CCDC146: variants seen among roughly 807,000 people sequenced by gnomAD.
CCDC146 encodes the protein coiled-coil domain containing 146, also known as coiled-coil domain-containing protein 146.
In CCDC146, 92 loss-of-function variants were observed where a neutral mutation model predicts 119.3. That is an observed-to-expected ratio of 0.77 (90% CI 0.65 to 0.92). The LOEUF (loss-of-function observed/expected upper bound fraction) is 0.92. Ranked by LOEUF, CCDC146 falls within the 40% of genes least tolerant of loss-of-function variation. CCDC146 has a pLI of 0.00. For missense variants in CCDC146, 1,000 were observed against 1,103.0 expected, an observed-to-expected ratio of 0.91 and a Z score of 1.32; for synonymous variants, 372 against 371.8, an observed-to-expected ratio of 1.00 and a Z score of -0.01.
intron 9 of CCDC146, among the ~76,000 whole-genome samples, chr7:77,271,521 TATATATATATATATATATATATA>T (rs1562856541): frequency 1.2e-3 from 23 of 18,716 alleles, no homozygotes; most frequent in East Asian, 3.8e-3. Context: ...GAGATATATA[TATATATATATATATATATATATA>T]TATATATATA....
At chr7:77,129,464 A>G (rs1174417509) in intron 1 of CCDC146, among the ~76,000 whole-genome samples, 1 of 152,074 alleles carries the variant, frequency 6.6e-6, no homozygotes, top group African/African-American at 2.4e-5. Flanking sequence ...GAAAAAAACT[A>G]TATGCTGAGA....
At chr7:77,270,377 T>C (rs753400653) in intron 9 of CCDC146, among the ~76,000 whole-genome samples, 1 of 151,910 alleles carries the variant, frequency 6.6e-6, no homozygotes, top group Non-Finnish European at 1.5e-5. Flanking sequence ...TCACAATAAA[T>C]ACATTTTTAA....
chr7:77,227,317 G>C (rs1483673370), intron 2 of CCDC146, among the ~76,000 whole-genome samples: 1 of 151,942 alleles, frequency 6.6e-6, no homozygotes, highest in Admixed American at 6.6e-5. Flanking sequence ...TTTTTTGTTT[G>C]TTTTCTGAGA....
intron 4 of CCDC146, among the ~76,000 whole-genome samples, chr7:77,250,236 G>A (rs1243798923): frequency 6.6e-6 from 1 of 152,136 alleles, no homozygotes; most frequent in Admixed American, 6.5e-5. Flanking sequence ...TCAAGAATAA[G>A]ACAAAAGCTT....
intron 1 of CCDC146, among the ~76,000 whole-genome samples, chr7:77,156,110 CTT>C (rs1791175833): frequency 6.6e-6 from 1 of 152,146 alleles, no homozygotes; most frequent in Non-Finnish European, 1.5e-5. Flanking sequence ...GTAATAGAGA[CTT>C]GGGTTCTCCA....
chr7:77,197,276 A>G (rs1562830006), intron 2 of CCDC146, among the ~76,000 whole-genome samples: 1 of 152,262 alleles, frequency 6.6e-6, no homozygotes, highest in Non-Finnish European at 1.5e-5. Context: ...ATTTAGTATT[A>G]TGTAGTGAGG....
At chr7:77,256,824 G>A (rs944497055) in intron 6 of CCDC146, among the ~76,000 whole-genome samples, 6 of 152,134 alleles carry the variant, frequency 3.9e-5, no homozygotes, top group African/African-American at 1.4e-4. Context: ...AACAACCATG[G>A]CCAGGCACAG....
chr7:77,147,903 T>C (rs1005914403), intron 1 of CCDC146, among the ~76,000 whole-genome samples: 11 of 152,296 alleles, frequency 7.2e-5, no homozygotes, highest in African/African-American at 2.4e-4. Flanking sequence ...GATCTCAAAC[T>C]CCATGCTGGG....
intron 2 of CCDC146, among the ~76,000 whole-genome samples, chr7:77,222,507 A>G (rs1792423837): frequency 6.6e-6 from 1 of 152,168 alleles, no homozygotes; most frequent in African/African-American, 2.4e-5. Context: ...AAGGGAGGTG[A>G]TCTCAGCACA....
At chr7:77,146,134 C>T (rs1304171924) in intron 1 of CCDC146, among the ~76,000 whole-genome samples, 1 of 151,920 alleles carries the variant, frequency 6.6e-6, no homozygotes, top group Admixed American at 6.6e-5. Context: ...TAAGTTAGCT[C>T]TTCTTGTTGA....
chr7:77,182,849 G>C (rs1189124524), intron 2 of CCDC146, among the ~76,000 whole-genome samples: 1 of 151,828 alleles, frequency 6.6e-6, no homozygotes, highest in Non-Finnish European at 1.5e-5. Context: ...CAAAGTGAAG[G>C]CTCCTTGTTC....
chr7:77,199,964 C>G, intron 2 of CCDC146: 1 of 635,872 alleles, frequency 1.6e-6, no homozygotes, highest in Non-Finnish European at 2.6e-6. Context: ...ACGCAGTTTG[C>G]CAAAAACTGT....
chr7:77,283,862 A>G (rs1181691922), intron 15 of CCDC146, among the ~76,000 whole-genome samples: 1 of 152,142 alleles, frequency 6.6e-6, no homozygotes, highest in Non-Finnish European at 1.5e-5. Flanking sequence ...TTCAGTTTGC[A>G]CAAATATGCC....
intron 2 of CCDC146, among the ~76,000 whole-genome samples, chr7:77,218,616 T>TC (rs1402893800): frequency 8.6e-6 from 1 of 116,720 alleles, no homozygotes; most frequent in African/African-American, 3.1e-5. Flanking sequence ...ACCAATTCTC[T>TC]TTTTTTTTTT....
intron 1 of CCDC146, among the ~76,000 whole-genome samples, chr7:77,159,349 G>A (rs912798555): frequency 1.3e-5 from 2 of 152,074 alleles, no homozygotes; most frequent in African/African-American, 4.8e-5. Context: ...ATCCCACTCT[G>A]CTTCTATGAG....
intron 1 of CCDC146, among the ~76,000 whole-genome samples, chr7:77,159,401 T>C (rs71217105): frequency 6.2e-4 from 94 of 152,362 alleles, no homozygotes; most frequent in African/African-American, 2.1e-3. Context: ...GATCATATAG[T>C]ATTTGTATTT....
intron 9 of CCDC146, among the ~76,000 whole-genome samples, chr7:77,264,484 C>T (rs1375808646): frequency 6.6e-6 from 1 of 152,170 alleles, no homozygotes; most frequent in Non-Finnish European, 1.5e-5. Flanking sequence ...GTCTCAAACT[C>T]CTGACCTCAA....
chr7:77,192,630 A>C (rs1436976648), intron 2 of CCDC146, among the ~76,000 whole-genome samples: 1 of 152,238 alleles, frequency 6.6e-6, no homozygotes. Context: ...CTTGTAGAAA[A>C]TAAGGCATTG....
chr7:77,198,772 G>A (rs1431099987), intron 2 of CCDC146: 14 of 202,788 alleles, frequency 6.9e-5, no homozygotes, highest in Admixed American at 6.3e-4. Flanking sequence ...CATGAGAAGC[G>A]GCAGTCAGTC....
Sources: gnomAD v4.1 joint callset for allele counts (sites outside exome capture counted in the v4.1 genomes callset) on GRCh38, gnomAD v4.1.1 for gene constraint, MANE v1.5 for transcripts, NCBI Gene and HGNC (gene_info 2026-07-23, HGNC 2026-07-21) for gene names.